Variants in KLRG1 observed in about 807,000 individuals in gnomAD.
The protein encoded by KLRG1 is killer cell lectin like receptor G1.
Under a neutral mutation model 21.8 loss-of-function variants are expected in KLRG1, and 16 were observed. That is an observed-to-expected ratio of 0.73 (90% CI 0.50 to 1.11). KLRG1 has a LOEUF of 1.11. Among genes scored for constraint, KLRG1 ranks in the 50% most tolerant of loss-of-function variants. The pLI, the probability that KLRG1 is intolerant of heterozygous loss-of-function variation, is 0.00. For synonymous variants in KLRG1, 69 were observed against 75.9 expected (o/e 0.91, Z 0.47); for missense variants, 173 against 218.3 (o/e 0.79, Z 1.31).
At chr12:9,205,123 A>G in the KLRG1 span, among the ~76,000 whole-genome samples, 4 of 152,178 alleles carry the variant, frequency 2.6e-5, no homozygotes, top group Non-Finnish European at 5.9e-5. Context: ...TTATATGAGT[A>G]CTAAAAGTCA....
intron 1 of KLRG1, among the ~76,000 whole-genome samples, chr12:8,982,798 A>G (rs1242359759): frequency 3.3e-5 from 5 of 152,080 alleles, no homozygotes; most frequent in Non-Finnish European, 7.4e-5. Flanking sequence ...GGCACCTGCC[A>G]CCACGCCTGG....
At chr12:9,160,880 A>T in the KLRG1 span, among the ~76,000 whole-genome samples, 1 of 151,374 alleles carries the variant, frequency 6.6e-6, no homozygotes, top group Admixed American at 6.6e-5. Flanking sequence ...ACGTCACTGT[A>T]CTCCAGCCTG....
At chr12:8,952,513 A>G (rs761920628) in intron 1 of KLRG1, among the ~76,000 whole-genome samples, 1 of 152,278 alleles carries the variant, frequency 6.6e-6, no homozygotes, top group South Asian at 2.1e-4. Flanking sequence ...CAAAATGATC[A>G]TGTTTTCCAT....
chr12:8,958,321 CG>C (rs34374370), intron 1 of KLRG1, among the ~76,000 whole-genome samples: 53,964 of 151,816 alleles, frequency 0.36, 10,989 homozygotes, highest in South Asian at 0.46. Context: ...CTCTTAATTG[CG>C]TCAGAGCTTT....
the KLRG1 span, chr12:9,077,534 G>A: frequency 8.2e-6 from 12 of 1,461,644 alleles, no homozygotes; most frequent in Non-Finnish European, 1.1e-5. Context: ...ATCCCTATAG[G>A]GCAAAGTATC....
the KLRG1 span, among the ~76,000 whole-genome samples, chr12:9,169,254 C>T: frequency 3.3e-5 from 5 of 152,070 alleles, no homozygotes; most frequent in African/African-American, 1.2e-4. Context: ...GACTCACATA[C>T]TGAGCTTTTG....
the KLRG1 span, among the ~76,000 whole-genome samples, chr12:9,190,690 CTAAAA>C: frequency 1.3e-5 from 2 of 151,958 alleles, no homozygotes; most frequent in Non-Finnish European, 1.5e-5. Context: ...CCCTTCAAAC[CTAAAA>C]TAAAAGTTTT....
intron 1 of KLRG1, among the ~76,000 whole-genome samples, chr12:8,971,396 A>G (rs1946564744): frequency 6.6e-6 from 1 of 151,614 alleles, no homozygotes; most frequent in Non-Finnish European, 1.5e-5. Flanking sequence ...ACCTTATTAT[A>G]CTTTTAATGT....
intron 3 of KLRG1, among the ~76,000 whole-genome samples, chr12:9,003,440 A>G (rs1947365151): frequency 6.6e-6 from 1 of 152,054 alleles, no homozygotes; most frequent in African/African-American, 2.4e-5. Context: ...CTTTTAGATC[A>G]TGGCTATCAT....
the KLRG1 span, among the ~76,000 whole-genome samples, chr12:9,171,540 T>C: frequency 6.6e-6 from 1 of 152,120 alleles, no homozygotes; most frequent in Non-Finnish European, 1.5e-5. Flanking sequence ...AGAAAGTGGA[T>C]AACAATAAAC....
the KLRG1 span, chr12:9,202,279 A>T: frequency 6.5e-7 from 1 of 1,534,828 alleles, no homozygotes; most frequent in South Asian, 1.1e-5. Context: ...GAGTATTCCC[A>T]CTCTACCCAC....
chr12:9,023,984 C>G, the KLRG1 span, among the ~76,000 whole-genome samples: 1 of 144,324 alleles, frequency 6.9e-6, no homozygotes, highest in Non-Finnish European at 1.5e-5. Flanking sequence ...CTTTTGGCAC[C>G]TATGTTGAAA....
chr12:9,107,517 A>C, the KLRG1 span: 1 of 1,613,724 alleles, frequency 6.2e-7, no homozygotes, highest in Non-Finnish European at 8.5e-7. Flanking sequence ...AATAGTGTTC[A>C]ACCTACCTGT....
At chr12:9,198,495 C>T in the KLRG1 span, among the ~76,000 whole-genome samples, 1 of 152,038 alleles carries the variant, frequency 6.6e-6, no homozygotes, top group Non-Finnish European at 1.5e-5. Context: ...CTAAGCAAAT[C>T]TAACACAAAA....
chr12:9,103,277 A>G, the KLRG1 span, among the ~76,000 whole-genome samples: 1 of 152,246 alleles, frequency 6.6e-6, no homozygotes, highest in Non-Finnish European at 1.5e-5. Context: ...GTCAGGTGTT[A>G]GTATTGCAAT....
the KLRG1 span, among the ~76,000 whole-genome samples, chr12:9,103,621 C>T: frequency 6.6e-6 from 1 of 152,166 alleles, no homozygotes; most frequent in Admixed American, 6.5e-5. Context: ...GTTTCTATGA[C>T]TTTGACTACT....
intron 1 of KLRG1, among the ~76,000 whole-genome samples, chr12:8,952,908 C>A (rs1355885643): frequency 6.6e-6 from 1 of 152,156 alleles, no homozygotes; most frequent in African/African-American, 2.4e-5. Flanking sequence ...TGTCATTGAT[C>A]TTACTTGACT....
chr12:9,101,411 C>A, the KLRG1 span: 1 of 1,552,290 alleles, frequency 6.4e-7, no homozygotes, highest in South Asian at 1.1e-5. Flanking sequence ...GAGCTTTTGT[C>A]TACAGTGAAG....
At chr12:9,103,672 T>G in the KLRG1 span, among the ~76,000 whole-genome samples, 1 of 152,220 alleles carries the variant, frequency 6.6e-6, no homozygotes, top group Non-Finnish European at 1.5e-5. Flanking sequence ...TATTGGTCTT[T>G]TTGTGACTAG....
Sources: gnomAD v4.1 joint callset for allele counts (sites outside exome capture counted in the v4.1 genomes callset) on GRCh38, gnomAD v4.1.1 for gene constraint, MANE v1.5 for transcripts, NCBI Gene and HGNC (gene_info 2026-07-23, HGNC 2026-07-21) for gene names.